The following NUP98 variants were observed in gnomAD, a reference collection of about 807,000 sequenced individuals.
NUP98 encodes nuclear pore complex protein Nup98-Nup96.
NUP98 carries 26 observed loss-of-function variants against 191.9 expected under a neutral mutation model. The observed-to-expected ratio is 0.14, with a 90% CI of 0.10 to 0.19. The LOEUF (loss-of-function observed/expected upper bound fraction) is 0.19, where lower values mean the gene tolerates loss of function less well. Among genes scored for constraint, NUP98 ranks in the 10% least tolerant of loss-of-function variants. The pLI is 1.00. For missense variants in NUP98, 1,941 were observed against 2,178.8 expected (o/e 0.89, Z 2.17); for synonymous variants, 808 against 778.4 (o/e 1.04, Z -0.63).
chr11:3,752,963 T>A (rs1454494647), intron 11 of NUP98, among the ~76,000 whole-genome samples: 1 of 152,216 alleles, frequency 6.6e-6, no homozygotes, highest in African/African-American at 2.4e-5. Flanking sequence ...CTATTAGGGC[T>A]TACTTTGATG....
intron 20 of NUP98, among the ~76,000 whole-genome samples, chr11:3,709,537 T>C (rs991492675): frequency 1.3e-5 from 2 of 151,892 alleles, no homozygotes; most frequent in African/African-American, 4.8e-5. Flanking sequence ...ATCCTGTCTC[T>C]AAAACAATAA....
At chr11:3,701,255 AT>A (rs71041374) in intron 23 of NUP98, among the ~76,000 whole-genome samples, 12,483 of 125,736 alleles carry the variant, frequency 0.099, 1,259 homozygotes, top group African/African-American at 0.31. Flanking sequence ...GCTTGTTCCA[AT>A]TTTTTTTTTT....
chr11:3,723,273 C>A lies in NUP98; in HGVS notation c.2030G>T (p.Arg677Leu). ...VDDTIVALNM[R>L]AALRNGLEGS... The stretch of plus-strand genomic sequence containing the variant: ...TTCCAGCCCATTTCGCAAAGCAGCA[C>A]GCATGTTTAATGCAACAATGGTATC... Residue 677 changes from arginine to leucine, a missense_variant, in exon 16 of 33, where the codon CGT becomes CTT. Arg to Leu is a moderately radical substitution (Grantham distance 102). Around this residue, in one of 6 missense-constraint regions of NUP98, gnomAD observed 453 missense variants for 438.2 expected, o/e 1.03. Coordinates refer to ENST00000324932, the MANE Select transcript of NUP98 (RefSeq NM_016320.5). 1 of 1,614,090 alleles carries A rather than the reference C, an allele frequency of 6.2e-7. No individual in the cohort carries two copies. Among genetic ancestry groups the A allele is most frequent in the Non-Finnish European group, 8.5e-7 (1 of 1,180,018 alleles).
At chr11:3,761,032 T>C (rs2081147819) in intron 9 of NUP98, among the ~76,000 whole-genome samples, 2 of 152,200 alleles carry the variant, frequency 1.3e-5, no homozygotes, top group South Asian at 4.1e-4. Flanking sequence ...GGATGTTCCT[T>C]GAAAATGCTA....
In NUP98 at chr11:3,779,274, C is replaced by T. The variant is rs764816837; in HGVS notation, c.77-17G>A. The T allele has an allele frequency of 1.9e-6, 3 of 1,558,220 alleles. No individual in the cohort carries two copies. In the South Asian group the frequency reaches 3.3e-5, roughly 17 times the overall value. ...AGCCAGTATCTGAAAAAGCAAAATCCAGAGTAAATTAGAATTTAGAATAAA... is the reference window on the plus strand; with the variant it reads ...AGCCAGTATCTGAAAAAGCAAAATCTAGAGTAAATTAGAATTTAGAATAAA... On this transcript the variant is annotated splice_polypyrimidine_tract_variant and intron_variant, in intron 2 of 32. Transcript: ENST00000324932.
At position 3,693,317 on chromosome 11, in the gene NUP98, C is replaced by T. The variant is rs371190322; in HGVS notation, c.4226G>A (p.Arg1409His). Reference sequence around the variant, plus strand: ...ATACCAAAGATGGATAGCCAGGGAGCGTTTCCAATCCAACTGGGAGCACAC... The same window carrying T: ...ATACCAAAGATGGATAGCCAGGGAGTGTTTCCAATCCAACTGGGAGCACAC... The part of the protein sequence containing the change: ...INVCSQLDWK[R>H]SLAIHLWYLL... The change falls in exon 27 of 33, where the codon CGC becomes CAC. Residue 1409 changes from arginine to histidine, a missense_variant. Arg to His is a conservative substitution (Grantham distance 29). Transcript: ENST00000324932. 1.2e-6 allele frequency: 2 copies of T among 1,614,036 alleles called. No individual in the cohort carries two copies. The highest frequency in any genetic ancestry group is 2.7e-5 in the African/African-American group (2 of 74,922).
intron 12 of NUP98, among the ~76,000 whole-genome samples, chr11:3,735,833 C>CTGTG (rs76254248): frequency 1.0e-3 from 139 of 138,374 alleles, no homozygotes; most frequent in Admixed American, 1.9e-3. Flanking sequence ...AGGGCAAATA[C>CTGTG]TGTGTGTGTG....
chr11:3,780,744 T>C (rs1038238839), intron 2 of NUP98, among the ~76,000 whole-genome samples: 3 of 151,690 alleles, frequency 2.0e-5, no homozygotes, highest in Non-Finnish European at 4.4e-5. Flanking sequence ...GAGACTAGCC[T>C]GGGCAACACG....
intron 21 of NUP98, 77 bp downstream of exon 21, chr11:3,706,368 A>C: frequency 3.9e-5 from 53 of 1,346,204 alleles, no homozygotes; most frequent in Non-Finnish European, 4.8e-5. Context: ...TAACCAAGGA[A>C]GAGACCTGAT....
intron 8 of NUP98, among the ~76,000 whole-genome samples, chr11:3,763,339 C>T (rs527962100): frequency 2.6e-5 from 4 of 152,118 alleles, no homozygotes; most frequent in African/African-American, 7.2e-5. Flanking sequence ...AGGTCTTAGG[C>T]GTCTATTAAA....
chr11:3,711,577 A>G (rs895886189), intron 20 of NUP98: 7 of 154,064 alleles, frequency 4.5e-5, no homozygotes, highest in Non-Finnish European at 8.6e-5. Context: ...ACATATATTT[A>G]TAATAAATAT....
intron 10 of NUP98, among the ~76,000 whole-genome samples, chr11:3,756,579 T>A (rs1284496488): frequency 1.3e-5 from 2 of 151,460 alleles, no homozygotes; most frequent in African/African-American, 4.9e-5. Context: ...TGCACCACCA[T>A]GCCCAGCTAA....
chr11:3,758,283 T>C (rs1265049579), intron 10 of NUP98, among the ~76,000 whole-genome samples: 1 of 148,370 alleles, frequency 6.7e-6, no homozygotes, highest in Non-Finnish European at 1.5e-5. Context: ...ATCTGGCCAC[T>C]GCACTCCCGC....
At chr11:3,735,368 A>T (rs2080009650) in intron 12 of NUP98, 44 bp from the exon 13 acceptor site, 1 of 1,089,160 alleles carries the variant, frequency 9.2e-7, no homozygotes, top group Non-Finnish European at 1.2e-6. Context: ...ATATATATAT[A>T]AATGCAAGGA....
intron 30 of NUP98, among the ~76,000 whole-genome samples, chr11:3,680,890 T>G (rs775139991): frequency 6.6e-6 from 1 of 152,148 alleles, no homozygotes; most frequent in African/African-American, 2.4e-5. Flanking sequence ...AGACAGGATC[T>G]CCCTCTGTCA....
chr11:3,689,040 C>A (rs2078224132), intron 28 of NUP98, among the ~76,000 whole-genome samples: 1 of 151,790 alleles, frequency 6.6e-6, no homozygotes, highest in South Asian at 2.1e-4. Context: ...TTGAGAACAG[C>A]CTGGGCAATG....
intron 1 of NUP98, among the ~76,000 whole-genome samples, chr11:3,785,024 G>C (rs1348638499): frequency 1.3e-5 from 2 of 151,918 alleles, no homozygotes; most frequent in Non-Finnish European, 2.9e-5. Context: ...TGCCGTCCCA[G>C]CTACTCAGGA....
intron 10 of NUP98, among the ~76,000 whole-genome samples, chr11:3,755,454 G>A (rs1304670291): frequency 6.6e-6 from 1 of 151,756 alleles, no homozygotes; most frequent in Non-Finnish European, 1.5e-5. Flanking sequence ...AACAGAGCAA[G>A]ACTCCGTCTC....
At chr11:3,753,498 T>A in intron 10 of NUP98, 90 bp from the exon 11 acceptor site, 1 of 977,936 alleles carries the variant, frequency 1.0e-6, no homozygotes, top group Non-Finnish European at 1.6e-6. Context: ...AGTCTGACTT[T>A]AAGTTGTGAA....
Sources: gnomAD v4.1 joint callset for allele counts (sites outside exome capture counted in the v4.1 genomes callset) on GRCh38, gnomAD v4.1.1 for gene constraint, gnomAD v4.1.1 regional missense constraint, MANE v1.5 for transcripts, NCBI Gene and HGNC (gene_info 2026-07-23, HGNC 2026-07-21) for gene names.